RUNX1: variants seen among roughly 807,000 people sequenced by gnomAD.
RUNX1 encodes runt-related transcription factor 1.
RUNX1 carries 19 observed loss-of-function variants against 42.8 expected under a neutral mutation model. The ratio of observed to expected loss-of-function variants is 0.44; its 90% CI spans 0.31 to 0.65. RUNX1 has a LOEUF of 0.65. RUNX1 is among the 30% of genes least tolerant of loss of function. The pLI is 0.07. For missense variants in RUNX1, 528 were observed against 672.0 expected (o/e 0.79, Z 2.37); for synonymous variants, 271 against 289.4 (o/e 0.94, Z 0.64).
At chr21:34,894,563 C>T (rs1035476253) in intron 2 of RUNX1, among the ~76,000 whole-genome samples, 1 of 151,926 alleles carries the variant, frequency 6.6e-6, no homozygotes, top group African/African-American at 2.4e-5. Flanking sequence ...AGTGATTTGC[C>T]CATGAAACTG....
chr21:35,040,958 A>C (rs868364261), intron 2 of RUNX1, among the ~76,000 whole-genome samples: 3 of 152,046 alleles, frequency 2.0e-5, no homozygotes, highest in Admixed American at 6.6e-5. Flanking sequence ...ACAATGAAAA[A>C]CATATATATG....
intron 2 of RUNX1, among the ~76,000 whole-genome samples, chr21:34,996,351 G>T (rs926190428): frequency 4.3e-4 from 65 of 152,160 alleles, no homozygotes; most frequent in African/African-American, 1.5e-3. Flanking sequence ...AGAGAGAAAG[G>T]GACATTATAA....
chr21:34,994,891 G>A (rs933007401), intron 2 of RUNX1, among the ~76,000 whole-genome samples: 1 of 152,198 alleles, frequency 6.6e-6, no homozygotes, highest in Non-Finnish European at 1.5e-5. Context: ...CACCCTCAGA[G>A]ACTTCAGCCA....
chr21:35,037,299 T>A (rs1367524615), intron 2 of RUNX1, among the ~76,000 whole-genome samples: 2 of 152,190 alleles, frequency 1.3e-5, no homozygotes, highest in Non-Finnish European at 2.9e-5. Context: ...AAGGCGTGTT[T>A]CTTGTGGGCT....
At chr21:34,993,784 CACACACAG>C (rs2058971396) in intron 2 of RUNX1, among the ~76,000 whole-genome samples, 1 of 137,788 alleles carries the variant, frequency 7.3e-6, no homozygotes, top group East Asian at 2.0e-4. Context: ...CACAGACACA[CACACACAG>C]ACACACACAC....
At chr21:34,975,485 T>G (rs2058794835) in intron 2 of RUNX1, among the ~76,000 whole-genome samples, 4 of 152,226 alleles carry the variant, frequency 2.6e-5, no homozygotes, top group Admixed American at 2.6e-4. Flanking sequence ...TACAGGAGGA[T>G]GTGCACATGT....
In RUNX1 at chr21:35,019,572, G is replaced by A. The variant is rs184158931; in HGVS notation, c.58+29270C>T. ...AATAATTCAATGATTATCTATATTCGGACAAAGCATTCTGGAATCACAGCA... is the reference window on the plus strand; with the variant it reads ...AATAATTCAATGATTATCTATATTCAGACAAAGCATTCTGGAATCACAGCA... On this transcript the variant is annotated intron_variant, in intron 2 of 8. Transcript: ENST00000675419. 3.8e-3 allele frequency among the ~76,000 whole-genome samples: 585 copies of A among 152,102 alleles called. 1 individual carries two copies. Among genetic ancestry groups the A allele is most frequent in the Middle Eastern group, 0.014 (4 of 294 alleles).
chr21:34,886,544 G>T (rs1021469731), intron 4 of RUNX1, among the ~76,000 whole-genome samples: 3 of 152,222 alleles, frequency 2.0e-5, no homozygotes, highest in Non-Finnish European at 2.9e-5. Context: ...TTCCTACTTT[G>T]TATCAAAGCT....
intron 5 of RUNX1, among the ~76,000 whole-genome samples, chr21:34,877,950 G>A (rs1281870276): frequency 6.6e-6 from 1 of 152,186 alleles, no homozygotes; most frequent in Non-Finnish European, 1.5e-5. Context: ...AAGTTTGGAT[G>A]AGCCAAGAGC....
intron 5 of RUNX1, among the ~76,000 whole-genome samples, chr21:34,867,597 A>T (rs1213846750): frequency 6.6e-6 from 1 of 152,188 alleles, no homozygotes; most frequent in Admixed American, 6.5e-5. Flanking sequence ...AAAGGAGTGG[A>T]GGGGCGGGCC....
chr21:34,846,418 C>T (rs139250017), intron 6 of RUNX1, among the ~76,000 whole-genome samples: 1 of 151,908 alleles, frequency 6.6e-6, no homozygotes, highest in Admixed American at 6.5e-5. Context: ...CCAGGGGCCC[C>T]TGGGCTTTCC....
intron 2 of RUNX1, among the ~76,000 whole-genome samples, chr21:35,033,163 T>C (rs1171615388): frequency 1.3e-5 from 2 of 152,166 alleles, no homozygotes; most frequent in Non-Finnish European, 2.9e-5. Flanking sequence ...ATCCATGCAT[T>C]TGCCTATTCA....
chr21:34,998,682 C>T (rs2059015628), intron 2 of RUNX1, among the ~76,000 whole-genome samples: 1 of 152,082 alleles, frequency 6.6e-6, no homozygotes, highest in South Asian at 2.1e-4. Context: ...GCTGGGACTA[C>T]AGGCACCCGC....
chr21:34,921,650 T>C (rs757651740), intron 2 of RUNX1, among the ~76,000 whole-genome samples: 31 of 152,118 alleles, frequency 2.0e-4, no homozygotes, highest in Non-Finnish European at 3.2e-4. Context: ...TTTTTTCTTT[T>C]GAGACAGTGT....
intron 2 of RUNX1, among the ~76,000 whole-genome samples, chr21:34,993,239 C>A (rs1407428787): frequency 1.3e-5 from 2 of 152,168 alleles, no homozygotes; most frequent in Non-Finnish European, 2.9e-5. Context: ...TTAGCGATGT[C>A]ACTCCTGGAC....
intron 2 of RUNX1, among the ~76,000 whole-genome samples, chr21:34,980,376 A>G (rs1382107350): frequency 6.6e-6 from 1 of 152,234 alleles, no homozygotes; most frequent in Non-Finnish European, 1.5e-5. Context: ...ATCAGGTCCT[A>G]CGTAGCCTGG....
intron 2 of RUNX1, among the ~76,000 whole-genome samples, chr21:35,037,294 G>C (rs931309613): frequency 6.6e-6 from 1 of 152,204 alleles, no homozygotes; most frequent in East Asian, 1.9e-4. Context: ...GCTTAAAGGC[G>C]TGTTTCTTGT....
intron 6 of RUNX1, among the ~76,000 whole-genome samples, chr21:34,838,838 T>A (rs1014665319): frequency 6.6e-6 from 1 of 152,072 alleles, no homozygotes; most frequent in Non-Finnish European, 1.5e-5. Context: ...ATTGCAAACC[T>A]AACCATATGC....
At chr21:34,997,501 G>A (rs1054441175) in intron 2 of RUNX1, among the ~76,000 whole-genome samples, 3 of 152,314 alleles carry the variant, frequency 2.0e-5, no homozygotes, top group Middle Eastern at 3.4e-3. Context: ...GGAGGAAAGG[G>A]GAAACTCTTC....
Sources: gnomAD v4.1 joint callset for allele counts (sites outside exome capture counted in the v4.1 genomes callset) on GRCh38, gnomAD v4.1.1 for gene constraint, MANE v1.5 for transcripts, NCBI Gene and HGNC (gene_info 2026-07-23, HGNC 2026-07-21) for gene names.